The following PFKFB3 variants were observed in gnomAD, a reference collection of about 807,000 sequenced individuals.
PFKFB3 encodes the protein 6-phosphofructo-2-kinase/fructose-2,6-biphosphatase 3.
Under a neutral mutation model 68.0 loss-of-function variants are expected in PFKFB3, and 33 were observed. The ratio of observed to expected loss-of-function variants is 0.49; its 90% confidence interval spans 0.37 to 0.65. PFKFB3 has a LOEUF of 0.65. Ranked by LOEUF, PFKFB3 falls within the 30% of genes least tolerant of loss-of-function variation. The pLI is 0.00. For missense variants in PFKFB3, 586 were observed against 712.2 expected (o/e 0.82, Z 2.02); for synonymous variants, 315 against 288.2 (o/e 1.09, Z -0.94).
the PFKFB3 span, among the ~76,000 whole-genome samples, chr10:6,275,798 A>G: frequency 6.6e-6 from 1 of 151,724 alleles, no homozygotes; most frequent in East Asian, 1.9e-4. This position sits in a 1 kb window ranked among gnomAD's most constrained non-coding sequence, Gnocchi z 4.9. Context: ...TATTTTTCAT[A>G]GAGAGGATTA....
intron 1 of PFKFB3, among the ~76,000 whole-genome samples, chr10:6,183,220 C>CTGCCGAATGG (rs958505842): frequency 2.6e-4 from 40 of 152,312 alleles, no homozygotes; most frequent in Admixed American, 2.4e-3. Flanking sequence ...CTTTGAACAG[C>CTGCCGAATGG]TGCGGAATGG....
intron 6 of PFKFB3, among the ~76,000 whole-genome samples, chr10:6,218,519 C>G (rs931709122): frequency 4.6e-5 from 7 of 152,016 alleles, no homozygotes; most frequent in African/African-American, 1.7e-4. Context: ...ACCTCTGCCT[C>G]CCGGGTTCAA....
chr10:6,276,302 G>A, the PFKFB3 span, among the ~76,000 whole-genome samples: 2 of 151,754 alleles, frequency 1.3e-5, no homozygotes, highest in Non-Finnish European at 2.9e-5. Flanking sequence ...TTATATGTAT[G>A]TGTCATAAAA....
At chr10:6,163,181 A>T (rs1215470809) in intron 1 of PFKFB3, among the ~76,000 whole-genome samples, 2 of 152,112 alleles carry the variant, frequency 1.3e-5, no homozygotes, top group African/African-American at 4.8e-5. Flanking sequence ...GTGTGATGAC[A>T]CCGAGTTGAG....
chr10:6,237,061 C>T (rs1039260244), downstream of PFKFB3, among the ~76,000 whole-genome samples: 13 of 152,358 alleles, frequency 8.5e-5, no homozygotes, highest in East Asian at 1.7e-3. Flanking sequence ...AACTTGCCAA[C>T]GTGCACCCAC....
chr10:6,292,848 A>G, the PFKFB3 span, among the ~76,000 whole-genome samples: 1 of 152,236 alleles, frequency 6.6e-6, no homozygotes, highest in Admixed American at 6.5e-5. Context: ...AAAAGCAACT[A>G]TTCCAGGAAA....
chr10:6,210,385 A>G (rs7894711), intron 1 of PFKFB3, among the ~76,000 whole-genome samples: 1,459 of 70,530 alleles, frequency 0.021, 116 homozygotes, highest in African/African-American at 0.052. Context: ...TTTTGAGACG[A>G]AGTTTCGCTC....
At chr10:6,222,050 TC>T (rs111502242) in intron 10 of PFKFB3, among the ~76,000 whole-genome samples, 6,420 of 152,212 alleles carry the variant, frequency 0.042, 198 homozygotes, top group East Asian at 0.15. Context: ...TGGCTCTATA[TC>T]CCCTGGGCAG....
At chr10:6,227,329 C>G (rs1443783719) in intron 14 of PFKFB3, among the ~76,000 whole-genome samples, 1 of 152,174 alleles carries the variant, frequency 6.6e-6, no homozygotes, top group Non-Finnish European at 1.5e-5. Context: ...CCAGGCCTGC[C>G]CCCACAAATC....
the PFKFB3 span, among the ~76,000 whole-genome samples, chr10:6,287,904 C>T: frequency 6.6e-6 from 1 of 152,186 alleles, no homozygotes; most frequent in African/African-American, 2.4e-5. Context: ...TTCTGACCAA[C>T]ATTGTTTTCC....
downstream of PFKFB3, among the ~76,000 whole-genome samples, chr10:6,255,533 G>A (rs1490627612): frequency 6.6e-6 from 1 of 152,214 alleles, no homozygotes. Context: ...TCGGGGAAGG[G>A]TACTTCAACG....
intron 1 of PFKFB3, among the ~76,000 whole-genome samples, chr10:6,192,664 CGTGTGTGT>C (rs34129264): frequency 0.053 from 6,858 of 128,866 alleles, 358 homozygotes; most frequent in African/African-American, 0.13. Flanking sequence ...TCCCCTCACC[CGTGTGTGT>C]GTGTGTGTGT....
chr10:6,183,601 C>CAAAAAAAAA (rs773888395), intron 1 of PFKFB3, among the ~76,000 whole-genome samples: 6 of 127,850 alleles, frequency 4.7e-5, no homozygotes, highest in African/African-American at 1.9e-4. Context: ...CCAGCCTGGT[C>CAAAAAAAAA]AAAAAAAAAA....
At chr10:6,203,694 C>T (rs1300143996) in intron 1 of PFKFB3, among the ~76,000 whole-genome samples, 10 of 152,044 alleles carry the variant, frequency 6.6e-5, no homozygotes, top group Admixed American at 1.3e-4. Flanking sequence ...GCCCAGGGAC[C>T]CGGCCGCTCG....
chr10:6,146,223 T>C (rs938614328), intron 1 of PFKFB3: 1 of 1,434,254 alleles, frequency 7.0e-7, no homozygotes, highest in African/African-American at 1.4e-5. Flanking sequence ...CTGCCTCTCT[T>C]CTCTCATAAC....
intron 13 of PFKFB3, 149 bp downstream of exon 13, chr10:6,224,362 T>C (rs1845177239): frequency 2.9e-6 from 2 of 684,070 alleles, no homozygotes; most frequent in Non-Finnish European, 2.6e-6. Context: ...TCAGCACCTC[T>C]TTGTTCCTGC....
At chr10:6,236,796 G>A (rs796860085), downstream of PFKFB3, among the ~76,000 whole-genome samples, 8 of 152,318 alleles carry the variant, frequency 5.3e-5, no homozygotes, top group African/African-American at 1.9e-4. Context: ...GGGCCGGCCG[G>A]GCTGTGGGGA....
At chr10:6,322,340 A>G in the PFKFB3 span, among the ~76,000 whole-genome samples, 2 of 152,088 alleles carry the variant, frequency 1.3e-5, no homozygotes, top group Non-Finnish European at 2.9e-5. Flanking sequence ...TCTCAAATCC[A>G]TCTACCACTT....
At chr10:6,226,418 G>A in intron 14 of PFKFB3, 53 bp downstream of exon 14, 5 of 1,537,540 alleles carry the variant, frequency 3.3e-6, no homozygotes, top group East Asian at 2.3e-5. Context: ...CGGGCGTGAT[G>A]CCACAGATCT....
Sources: gnomAD v4.1 joint callset for allele counts (sites outside exome capture counted in the v4.1 genomes callset) on GRCh38, gnomAD v4.1.1 for gene constraint, Gnocchi (gnomAD v3.1) non-coding constraint, MANE v1.5 for transcripts, NCBI Gene and HGNC (gene_info 2026-07-23, HGNC 2026-07-21) for gene names.